The following NOX3 variants were observed in gnomAD, a reference collection of about 807,000 sequenced individuals.
The protein encoded by NOX3 is NADPH oxidase catalytic subunit-like 3.
A neutral mutation model predicts 76.7 loss-of-function variants in NOX3; 74 were observed. The observed-to-expected ratio is 0.96, with a 90% CI of 0.80 to 1.17. The LOEUF (loss-of-function observed/expected upper bound fraction) is 1.17. Ranked by LOEUF, NOX3 falls within the 50% of genes most tolerant of loss-of-function variation. The pLI, the probability that NOX3 is intolerant of heterozygous loss-of-function variation, is 0.00. For missense variants in NOX3, 695 were observed against 703.3 expected (o/e 0.99, Z 0.13); for synonymous variants, 263 against 261.1 (o/e 1.01, Z -0.07).
At chr6:155,440,484 A>T (rs4869854) in intron 5 of NOX3, among the ~76,000 whole-genome samples, 91,220 of 149,802 alleles carry the variant, frequency 0.61, 29,818 homozygotes, top group East Asian at 0.88. Flanking sequence ...TAAATAAATT[A>T]AAAAAAAAAA....
intron 10 of NOX3, among the ~76,000 whole-genome samples, chr6:155,412,959 C>T (rs1776573757): frequency 6.6e-6 from 1 of 152,096 alleles, no homozygotes; most frequent in African/African-American, 2.4e-5. Context: ...TGCAGAAACC[C>T]CAGGCGGGTT....
At chr6:155,421,104 A>G (rs909137116) in intron 10 of NOX3, among the ~76,000 whole-genome samples, 1 of 152,136 alleles carries the variant, frequency 6.6e-6, no homozygotes, top group Admixed American at 6.5e-5. Context: ...CAGGAATCCC[A>G]CCGTCTTCCT....
At chr6:155,440,173 C>T in intron 5 of NOX3, 36 bp from the exon 6 acceptor site, 1 of 1,400,892 alleles carries the variant, frequency 7.1e-7, no homozygotes, top group Middle Eastern at 2.0e-4. Flanking sequence ...AAGAAACAAA[C>T]AAAAAAAAAC....
chr6:155,440,406 A>G (rs971411897), intron 5 of NOX3, among the ~76,000 whole-genome samples: 4 of 152,034 alleles, frequency 2.6e-5, no homozygotes, highest in South Asian at 2.1e-4. Context: ...CATTTCATCA[A>G]TCACATTTTT....
In NOX3 at chr6:155,428,844, C is replaced by T. The variant is rs377545986; in HGVS notation, c.1095G>A (p.Glu365=). The T allele has an allele frequency of 1.9e-6, 3 of 1,595,388 alleles. No individual in the cohort carries two copies. The highest frequency in any genetic ancestry group is 2.7e-5 in the African/African-American group (2 of 74,530). The change falls in exon 9 of 14, where the codon GAG becomes GAA. Residue 365 remains glutamate (E), a synonymous_variant. Transcript: ENST00000159060. ...AAGDWTAALL[E]AFGAEGQALQ... The stretch of plus-strand genomic sequence containing the variant: ...GGGCCTGTCCCTCTGCCCCAAAGGC[C>T]TCCAGTAGCGCTGCTGTCCAGTCTC...
intron 12 of NOX3, among the ~76,000 whole-genome samples, chr6:155,403,555 C>T (rs897997551): frequency 2.0e-5 from 3 of 152,128 alleles, no homozygotes; most frequent in African/African-American, 7.2e-5. Flanking sequence ...TGAAGTCATC[C>T]ATCAAGGAGA....
chr6:155,398,983 G>T (rs9480131), intron 12 of NOX3, among the ~76,000 whole-genome samples: 8,002 of 152,192 alleles, frequency 0.053, 651 homozygotes, highest in African/African-American at 0.17. Flanking sequence ...TGCCTGCTCC[G>T]TGAAGCTGAA....
chr6:155,409,977 C>T (rs1466085326), intron 11 of NOX3, among the ~76,000 whole-genome samples: 6 of 152,096 alleles, frequency 3.9e-5, no homozygotes, highest in African/African-American at 1.4e-4. Context: ...ATCAATGCAC[C>T]TTAGAGTAGA....
chr6:155,438,925 T>C (rs991563948), intron 6 of NOX3, among the ~76,000 whole-genome samples: 3 of 152,192 alleles, frequency 2.0e-5, no homozygotes, highest in African/African-American at 7.2e-5. Flanking sequence ...GCCACATTCT[T>C]GCTGGTGTTG....
rs377539092 is a variant in NOX3, at chr6:155,415,795, T to C, written c.1309-4435A>G. 1.4e-4 allele frequency among the ~76,000 whole-genome samples: 21 copies of C among 152,392 alleles called. No individual in the cohort carries two copies. In the East Asian group the frequency reaches 3.9e-3, roughly 28 times the overall value. On this transcript the variant is annotated intron_variant, in intron 10 of 13. Transcript: ENST00000159060. ...GGATATGTTTTACTGAAGCATTTAA[T>C]GCAACGTCTGGCAGACACAGTAAGT...
chr6:155,432,040 CT>C (rs1275658291), intron 7 of NOX3, among the ~76,000 whole-genome samples: 1 of 152,112 alleles, frequency 6.6e-6, no homozygotes, highest in Non-Finnish European at 1.5e-5. Flanking sequence ...GAAATCTACT[CT>C]AATTCTTTTT....
intron 4 of NOX3, among the ~76,000 whole-genome samples, chr6:155,450,085 T>C (rs1250056242): frequency 2.0e-5 from 3 of 152,208 alleles, no homozygotes; most frequent in African/African-American, 7.2e-5. Flanking sequence ...ACACCGCAGC[T>C]CTGCTGGTCG....
intron 11 of NOX3, among the ~76,000 whole-genome samples, chr6:155,408,544 A>G (rs1023111706): frequency 6.6e-6 from 1 of 152,172 alleles, no homozygotes; most frequent in African/African-American, 2.4e-5. Flanking sequence ...CTAAAAAAGT[A>G]GTTGAATCTA....
chr6:155,448,448 G>T (rs375710432), intron 4 of NOX3, among the ~76,000 whole-genome samples: 1 of 152,020 alleles, frequency 6.6e-6, no homozygotes, highest in Admixed American at 6.6e-5. Flanking sequence ...TTGGAGGACC[G>T]CAAGACACAC....
chr6:155,454,777 C>G (rs991287748), intron 3 of NOX3, 34 bp downstream of exon 3: 17 of 1,231,872 alleles, frequency 1.4e-5, no homozygotes, highest in Non-Finnish European at 2.0e-5. Context: ...GAAGTCGTAA[C>G]AGTTGAGATT....
chr6:155,447,351 G>A (rs988618677), intron 4 of NOX3, among the ~76,000 whole-genome samples: 5 of 152,248 alleles, frequency 3.3e-5, no homozygotes, highest in African/African-American at 9.6e-5. Context: ...ATTTTATAAC[G>A]TTCTTCTTCT....
chr6:155,399,812 A>G (rs1159879913), intron 12 of NOX3, among the ~76,000 whole-genome samples: 2 of 152,024 alleles, frequency 1.3e-5, no homozygotes, highest in Non-Finnish European at 2.9e-5. Context: ...TCTTCTATAA[A>G]ATTTAATTAC....
rs766375117 is a variant in NOX3, at chr6:155,453,400, T to A, written c.340+4A>T. ...AATCCATTGAGCAATTAATAAGTAC[T>A]TACTTGCATTAACAGCTATCCCATA... On this transcript the variant is annotated splice_donor_region_variant and intron_variant, in intron 4 of 13. Transcript: ENST00000159060. 1 of 1,601,378 alleles carries A rather than the reference T, an allele frequency of 6.2e-7. No individual in the cohort carries two copies. Among genetic ancestry groups the A allele is most frequent in the African/African-American group, 1.3e-5 (1 of 74,706 alleles).
chr6:155,442,195 C>T (rs541844139), intron 5 of NOX3, among the ~76,000 whole-genome samples: 163 of 152,088 alleles, frequency 1.1e-3, no homozygotes, highest in African/African-American at 3.5e-3. Flanking sequence ...ATCCGGGAGG[C>T]GGAGCTTGCA....
Sources: gnomAD v4.1 joint callset for allele counts (sites outside exome capture counted in the v4.1 genomes callset) on GRCh38, gnomAD v4.1.1 for gene constraint, MANE v1.5 for transcripts, NCBI Gene and HGNC (gene_info 2026-07-23, HGNC 2026-07-21) for gene names.